Variants in ABCA5 observed in about 807,000 individuals in gnomAD.
ABCA5 encodes ATP binding cassette subfamily A member 5.
Under a neutral mutation model 206.0 loss-of-function variants are expected in ABCA5, and 163 were observed. That is an observed-to-expected ratio of 0.79 (90% CI 0.70 to 0.90). The LOEUF is 0.90. Among genes scored for constraint, ABCA5 ranks in the 40% least tolerant of loss-of-function variants. The pLI is 0.00. For synonymous variants in ABCA5, 609 were observed against 613.8 expected (o/e 0.99, Z 0.11); for missense variants, 1,859 against 1,912.9 (o/e 0.97, Z 0.53).
rs565692097 is a variant in ABCA5, at chr17:69,246,303, T to C, written c.*1234A>G. On this transcript the variant is annotated 3_prime_UTR_variant, in exon 39 of 39. Coordinates refer to ENST00000392676, the MANE Select transcript of ABCA5 (RefSeq NM_172232.4). ...GTTGTCTAATACAATAATCACACTC[T>C]CAATATATTTGTTTTATGAAGTTAA... 3.3e-5 allele frequency: 5 copies of C among 152,118 alleles called. No homozygotes were observed. The highest frequency in any genetic ancestry group is 1.2e-4 in the African/African-American group (5 of 41,582). 9.4% of individuals were successfully genotyped at this position (152,118 alleles called of 1,614,324 possible).
intron 1 of ABCA5, among the ~76,000 whole-genome samples, chr17:69,316,592 T>TAAAAAA (rs34101085): frequency 7.5e-6 from 1 of 132,718 alleles, no homozygotes; most frequent in Non-Finnish European, 1.6e-5. Context: ...GTATTAATGC[T>TAAAAAA]AAAAAAAAAA....
At position 69,255,741 on chromosome 17, in the gene ABCA5, A is replaced by G. The variant is rs377246697; in HGVS notation, c.3968T>C (p.Val1323Ala). The G allele has an allele frequency of 3.8e-6, 6 of 1,582,616 alleles. No individual in the cohort carries two copies. The African/African-American group carries it at 6.9e-5, about 18-fold the overall frequency. Residue 1323 changes from valine to alanine, a missense_variant, in exon 30 of 39, where the codon GTG becomes GCG. Val to Ala is a moderately conservative substitution (Grantham distance 64, BLOSUM62 0). Transcript: ENST00000392676. ...AAAAATTAAATACCAGCCTTTTTTCACACAGAAAGAGATGTATTTAGTTGC... is the reference window on the plus strand; with the variant it reads ...AAAAATTAAATACCAGCCTTTTTTCGCACAGAAAGAGATGTATTTAGTTGC... The part of the protein sequence containing the change: ...KVATKYISFC[V>A]KKGEILGLLG...
Position 69,326,892 on chromosome 17 carries a change from C to G in ABCA5, c.-16+160G>C, listed in dbSNP as rs1194739854. On this transcript the variant is annotated intron_variant, in intron 1 of 38. Transcript: ENST00000392676. The surrounding 1 kb of genome is among the most constrained non-coding windows in gnomAD (Gnocchi z 4.8). ...TTTCCCTCAGCTCGCCGCCTCTGCC[C>G]GCTTCCGAGCCCGCTTCACCCCACA... Among the ~76,000 whole-genome samples, 3 of 152,024 alleles carry G rather than the reference C, an allele frequency of 2.0e-5. No homozygotes were observed. The highest frequency in any genetic ancestry group is 2.0e-4 in the Admixed American group (3 of 15,270).
intron 35 of ABCA5, 63 bp from the exon 36 acceptor site, chr17:69,250,684 A>C: frequency 3.2e-6 from 4 of 1,237,964 alleles, no homozygotes; most frequent in Non-Finnish European, 4.4e-6. Context: ...ATAATCTCTC[A>C]CACATATAAC....
chr17:69,277,393 A>G (rs932457873), intron 19 of ABCA5, among the ~76,000 whole-genome samples: 2 of 152,150 alleles, frequency 1.3e-5, no homozygotes, highest in Non-Finnish European at 2.9e-5. Context: ...AAATTATACA[A>G]TTAGGGAATA....
At chr17:69,269,994 T>C (rs896646903) in intron 22 of ABCA5, among the ~76,000 whole-genome samples, 2 of 152,066 alleles carry the variant, frequency 1.3e-5, no homozygotes, top group Non-Finnish European at 2.9e-5. Context: ...TATTTAAAAC[T>C]GACTGTAGTG....
chr17:69,317,399 C>CAAAAAAAAA (rs1168274624), intron 1 of ABCA5, among the ~76,000 whole-genome samples: 2 of 74,572 alleles, frequency 2.7e-5, no homozygotes, highest in African/African-American at 5.7e-5. Flanking sequence ...GACTCTGTCT[C>CAAAAAAAAA]AAAAAAAAAA....
chr17:69,250,066 T>C (rs1173374770), intron 36 of ABCA5, 82 bp from the exon 37 acceptor site: 1 of 904,280 alleles, frequency 1.1e-6, no homozygotes, highest in African/African-American at 1.7e-5. Context: ...ATGTTTAAAA[T>C]TCAAAATTAA....
chr17:69,290,030 T>G lies in ABCA5; in HGVS notation c.1614A>C (p.Ala538=). The part of the protein sequence containing the change: ...CGLCPPSDGF[A]SIYGHRVSEI... The stretch of plus-strand genomic sequence containing the variant: ...CTGAGACTCTGTGTCCATATATAGA[T>G]GCAAACCCTAAAAGCAAAATATATA... The change falls in exon 13 of 39, where the codon GCA becomes GCC. Residue 538 remains alanine, a synonymous_variant. Transcript: ENST00000392676. The G allele has an allele frequency of 6.3e-7, 1 of 1,579,320 alleles. No individual in the cohort carries two copies. Among genetic ancestry groups the G allele is most frequent in the Non-Finnish European group, 8.6e-7 (1 of 1,167,608 alleles).
chr17:69,256,205 A>C lies in ABCA5; in HGVS notation c.3810T>G (p.Ala1270=), dbSNP rs771472601. The C allele has an allele frequency of 5.0e-6, 8 of 1,610,118 alleles. No individual in the cohort carries two copies. The African/African-American group carries it at 5.4e-5, about 11-fold the overall frequency. ...DNEDEDEDVK[A]ERLKVKELMG... ...TCAGCTCTTTGACCTTTAGTCTTTC[A>C]GCTTTGACATCTTCATCTTCATCCT... Residue 1270 remains alanine, a synonymous_variant, in exon 29 of 39, where the codon GCT becomes GCG. Transcript: ENST00000392676.
chr17:69,271,947 T>C (rs149673890), intron 20 of ABCA5, among the ~76,000 whole-genome samples: 2 of 152,196 alleles, frequency 1.3e-5, no homozygotes, highest in Non-Finnish European at 2.9e-5. Context: ...TTTTAAATCC[T>C]GTCGGGATTT....
intron 37 of ABCA5, chr17:69,248,954 T>C (rs1343917782): frequency 6.6e-6 from 1 of 152,328 alleles, no homozygotes; most frequent in Non-Finnish European, 1.5e-5. Context: ...TCTTGAACCA[T>C]GGGCTTAAGG....
intron 1 of ABCA5, chr17:69,314,781 T>C (rs778844758): frequency 5.7e-6 from 1 of 176,046 alleles, no homozygotes; most frequent in South Asian, 1.9e-4. Context: ...TCAGGGAGAA[T>C]GTAGAAATAG....
chr17:69,246,433 T>C lies in ABCA5; in HGVS notation c.*1104A>G, dbSNP rs2074952035. The C allele has an allele frequency of 6.6e-6, 1 of 151,974 alleles. No individual in the cohort carries two copies. Among genetic ancestry groups the C allele is most frequent in the African/African-American group, 2.4e-5 (1 of 41,446 alleles). The allele number at this position is 151,974 out of a possible 1,614,324, so 9.4% of individuals were successfully genotyped here. On this transcript the variant is annotated 3_prime_UTR_variant, in exon 39 of 39. Transcript: ENST00000392676. ...CAAGGAAGTATTTCTAAGAAAATAT[T>C]AGCCATGCCTTTAACTCTATCAAAA...
Position 69,311,054 on chromosome 17 carries a change from T to C in ABCA5, c.308-1631A>G, listed in dbSNP as rs375196684. 2.0e-5 allele frequency among the ~76,000 whole-genome samples: 3 copies of C among 151,834 alleles called. No homozygotes were observed. The East Asian group carries it at 5.8e-4, about 29-fold the overall frequency. ...ACAAAAAATACAAAAATTAGCCAGG[T>C]GTGGTGGTGTGCACCTGTAGTCCCA... On this transcript the variant is annotated intron_variant, in intron 3 of 38. Transcript: ENST00000392676.
At position 69,326,976 on chromosome 17, in the gene ABCA5, G is replaced by T. The variant is rs1011346409; in HGVS notation, c.-16+76C>A. 6.5e-6 allele frequency: 1 copy of T among 153,994 alleles called. No individual in the cohort carries two copies. The highest frequency in any genetic ancestry group is 2.4e-5 in the African/African-American group (1 of 41,346). 9.5% of individuals were successfully genotyped at this position (153,994 alleles called of 1,614,324 possible). Reference sequence around the variant, plus strand: ...GTCCCTCGCTGGCCAGCCCCTCCTCGTCCCCTCAACTCCCCCAGGGACGGC... The same window carrying T: ...GTCCCTCGCTGGCCAGCCCCTCCTCTTCCCCTCAACTCCCCCAGGGACGGC... On this transcript the variant is annotated intron_variant, in intron 1 of 38. Transcript: ENST00000392676. This position sits in a 1 kb window ranked among gnomAD's most constrained non-coding sequence, Gnocchi z 4.8.
At chr17:69,302,288 C>A (rs1320914057) in intron 8 of ABCA5, among the ~76,000 whole-genome samples, 1 of 152,102 alleles carries the variant, frequency 6.6e-6, no homozygotes, top group African/African-American at 2.4e-5. Flanking sequence ...CAACAAAATC[C>A]ACCAGGCCTA....
At chr17:69,310,395 C>T (rs1444153353) in intron 3 of ABCA5, among the ~76,000 whole-genome samples, 1 of 152,140 alleles carries the variant, frequency 6.6e-6, no homozygotes, top group Non-Finnish European at 1.5e-5. Flanking sequence ...CCCACCTGAG[C>T]CTCCGGACTA....
Position 69,256,260 on chromosome 17 carries a change from T to C in ABCA5, c.3755A>G (p.Asn1252Ser), listed in dbSNP as rs768384276. ...GTCTGGTGGTTCTGGAAGCTTCCTA[T>C]TTTTAGACTTCGTTGAAAGGTTTCT... ...FFRNLSTKSK[N>S]RKLPEPPDNE... The change falls in exon 29 of 39, where the codon AAT becomes AGT. Residue 1252 changes from asparagine (N) to serine (S), a missense_variant. Physicochemically the swap from Asn to Ser is conservative, Grantham distance 46 (BLOSUM62 1). Transcript: ENST00000392676. 1.2e-6 allele frequency: 2 copies of C among 1,601,706 alleles called. No individual in the cohort carries two copies. The highest frequency in any genetic ancestry group is 1.7e-5 in the Admixed American group (1 of 59,216).
Sources: gnomAD v4.1 joint callset for allele counts (sites outside exome capture counted in the v4.1 genomes callset) on GRCh38, gnomAD v4.1.1 for gene constraint, Gnocchi (gnomAD v3.1) non-coding constraint, MANE v1.5 for transcripts, NCBI Gene and HGNC (gene_info 2026-07-23, HGNC 2026-07-21) for gene names.